The following MAGI1 variants were observed in gnomAD, a reference collection of about 807,000 sequenced individuals.
MAGI1 encodes membrane associated guanylate kinase, WW and PDZ domain containing 1.
A neutral mutation model predicts 139.9 loss-of-function variants in MAGI1; 58 were observed. The ratio of observed to expected loss-of-function variants is 0.41; its 90% CI spans 0.34 to 0.52. The LOEUF (loss-of-function observed/expected upper bound fraction) is 0.52, where lower values mean the gene tolerates loss of function less well. Ranked by LOEUF, MAGI1 falls within the 20% of genes least tolerant of loss-of-function variation. The pLI is 0.12. For synonymous variants in MAGI1, 812 were observed against 737.9 expected, an observed-to-expected ratio of 1.10 and a Z score of -1.63; for missense variants, 1,874 against 1,901.6, an observed-to-expected ratio of 0.99 and a Z score of 0.27.
intron 1 of MAGI1, among the ~76,000 whole-genome samples, chr3:65,793,681 G>A (rs1286129053): frequency 6.6e-6 from 1 of 152,190 alleles, no homozygotes; most frequent in African/African-American, 2.4e-5. Context: ...TGGCCTGGGT[G>A]GAGCAGCTGC....
At chr3:65,455,347 C>A (rs565961111) in intron 5 of MAGI1, among the ~76,000 whole-genome samples, 15 of 152,242 alleles carry the variant, frequency 9.9e-5, no homozygotes, top group African/African-American at 3.6e-4. Flanking sequence ...CAACCATTCC[C>A]CCCAACCCTC....
chr3:65,616,641 T>A (rs1053361417), intron 2 of MAGI1, among the ~76,000 whole-genome samples: 2 of 152,156 alleles, frequency 1.3e-5, no homozygotes, highest in African/African-American at 4.8e-5. Context: ...TTAGTTTAGA[T>A]AGAGGACAAG....
chr3:65,416,939 A>G (rs1354313371), intron 12 of MAGI1, among the ~76,000 whole-genome samples: 1 of 152,228 alleles, frequency 6.6e-6, no homozygotes, highest in Non-Finnish European at 1.5e-5. Flanking sequence ...AGACAGACTC[A>G]GTAAGCACCA....
chr3:65,810,600 G>T (rs2041164031), intron 1 of MAGI1, among the ~76,000 whole-genome samples: 1 of 152,212 alleles, frequency 6.6e-6, no homozygotes, highest in African/African-American at 2.4e-5. Flanking sequence ...TTATTTCCAA[G>T]GATCTAATAA....
chr3:65,873,828 A>C (rs1382175714), intron 1 of MAGI1: 8 of 152,224 alleles, frequency 5.3e-5, no homozygotes, highest in Non-Finnish European at 1.0e-4. Context: ...AAAATGGACC[A>C]TATACCTAAA....
intron 1 of MAGI1, among the ~76,000 whole-genome samples, chr3:65,989,483 T>G (rs2066051074): frequency 6.6e-6 from 1 of 152,328 alleles, no homozygotes; most frequent in South Asian, 2.1e-4. Flanking sequence ...AAACAGTACA[T>G]GAGCCAGGAG....
At chr3:65,652,620 A>G (rs1252732544) in intron 1 of MAGI1, among the ~76,000 whole-genome samples, 1 of 152,174 alleles carries the variant, frequency 6.6e-6, no homozygotes, top group African/African-American at 2.4e-5. Context: ...GAATTCTCAA[A>G]TGTAACTCAA....
chr3:65,833,088 T>C lies in MAGI1; in HGVS notation c.313+204908A>G, dbSNP rs187975530. Among the ~76,000 whole-genome samples, 72 of 151,338 alleles carry C rather than the reference T, an allele frequency of 4.8e-4. No homozygotes were observed. In the Middle Eastern group the frequency reaches 0.014, roughly 29 times the overall value. On this transcript the variant is annotated intron_variant, in intron 1 of 22. Transcript: ENST00000402939. ...CATCTCCAAACAGGTCAATCAGTAA[T>C]AGTGGGCTAGGACTGGAATGGAGGT...
chr3:65,978,685 A>G (rs1057003390), intron 1 of MAGI1, among the ~76,000 whole-genome samples: 1 of 148,500 alleles, frequency 6.7e-6, no homozygotes, highest in Admixed American at 6.8e-5. Flanking sequence ...CTGGAGTGCA[A>G]TGGTGCAATC....
intron 2 of MAGI1, among the ~76,000 whole-genome samples, chr3:65,547,428 C>T (rs143734165): frequency 5.9e-5 from 9 of 152,230 alleles, no homozygotes; most frequent in African/African-American, 1.4e-4. Context: ...TAACATATCA[C>T]GTAGGATTTA....
At chr3:65,538,795 ATT>A (rs1327247976) in intron 2 of MAGI1, among the ~76,000 whole-genome samples, 2 of 152,170 alleles carry the variant, frequency 1.3e-5, no homozygotes, top group Non-Finnish European at 2.9e-5. Context: ...TTTTTCTTTT[ATT>A]AACTAAGACA....
chr3:65,731,336 T>A (rs1025555654), intron 1 of MAGI1, among the ~76,000 whole-genome samples: 15 of 152,008 alleles, frequency 9.9e-5, no homozygotes, highest in Admixed American at 3.9e-4. Context: ...CCAGTCGGGT[T>A]AAATAGAATT....
intron 1 of MAGI1, among the ~76,000 whole-genome samples, chr3:65,991,647 C>G: frequency 6.6e-6 from 1 of 152,194 alleles, no homozygotes; most frequent in Admixed American, 6.5e-5. Context: ...CTCTGACTGA[C>G]CAAATATGAG....
chr3:65,968,946 T>C lies in MAGI1; in HGVS notation c.313+69050A>G, dbSNP rs570707096. Among the ~76,000 whole-genome samples, 52 of 152,314 alleles carry C rather than the reference T, an allele frequency of 3.4e-4. 1 individual carries two copies. The South Asian group carries it at 9.1e-3, about 27-fold the overall frequency. ...TGATGAGACGACCTTAAATCCAAGG[T>C]AGTCAGAGAGCATATTTGTAGACCA... On this transcript the variant is annotated intron_variant, in intron 1 of 22. Transcript: ENST00000402939.
chr3:65,900,392 A>G (rs2061171918), intron 1 of MAGI1, among the ~76,000 whole-genome samples: 1 of 152,246 alleles, frequency 6.6e-6, no homozygotes, highest in African/African-American at 2.4e-5. Context: ...AAGAGGTGAT[A>G]AAGGTGTGAG....
At chr3:65,455,260 C>T (rs941772160) in intron 5 of MAGI1, among the ~76,000 whole-genome samples, 3 of 152,160 alleles carry the variant, frequency 2.0e-5, no homozygotes, top group African/African-American at 4.8e-5. Flanking sequence ...GATACTGACA[C>T]AGTCAACATA....
intron 2 of MAGI1, among the ~76,000 whole-genome samples, chr3:65,557,228 A>G (rs1490717002): frequency 1.3e-5 from 2 of 152,224 alleles, no homozygotes; most frequent in Admixed American, 1.3e-4. Context: ...ATTAGGTTAT[A>G]AGACACTGTC....
At chr3:65,733,875 C>T (rs1012063404) in intron 1 of MAGI1, among the ~76,000 whole-genome samples, 1 of 152,160 alleles carries the variant, frequency 6.6e-6, no homozygotes, top group East Asian at 1.9e-4. Context: ...TTGTAGGAGG[C>T]CATGTCACTA....
At chr3:66,016,756 T>C (rs1244115917) in intron 1 of MAGI1, among the ~76,000 whole-genome samples, 2 of 152,136 alleles carry the variant, frequency 1.3e-5, no homozygotes, top group Admixed American at 1.3e-4. Flanking sequence ...CCAATCTCCA[T>C]CAACAGATGA....
Sources: gnomAD v4.1 joint callset for allele counts (sites outside exome capture counted in the v4.1 genomes callset) on GRCh38, gnomAD v4.1.1 for gene constraint, MANE v1.5 for transcripts, NCBI Gene and HGNC (gene_info 2026-07-23, HGNC 2026-07-21) for gene names.